SLC30A3: variants seen among roughly 807,000 people sequenced by gnomAD.
The protein encoded by SLC30A3 is solute carrier family 30 member 3.
In SLC30A3, 20 loss-of-function variants were observed where a neutral mutation model predicts 35.6. The ratio of observed to expected loss-of-function variants is 0.56; its 90% CI spans 0.39 to 0.82. The LOEUF is 0.82. Among genes scored for constraint, SLC30A3 ranks in the 40% least tolerant of loss-of-function variants. The pLI is 0.00. For synonymous variants in SLC30A3, 217 were observed against 224.7 expected (o/e 0.97, Z 0.31); for missense variants, 401 against 530.6 (o/e 0.76, Z 2.40).
chr2:27,253,854 CAG>C lies in SLC30A3; in HGVS notation c.*1456_*1457del, dbSNP rs1245719413. 3 of 150,084 alleles carry C rather than the reference CAG, an allele frequency of 2.0e-5. No homozygotes were observed. The highest frequency in any genetic ancestry group is 7.4e-5 in the African/African-American group (3 of 40,668). 9.3% of individuals were successfully genotyped at this position (150,084 alleles called of 1,614,324 possible). On this transcript the variant is annotated 3_prime_UTR_variant, in exon 8 of 8. Coordinates refer to ENST00000233535, the MANE Select transcript of SLC30A3 (RefSeq NM_003459.5). ...CTAATTTTTAAATTATTTGTAGAGA[CAG>C]GGGTTTCCCTAGGTTGCCCAGGCTG...
At chr2:27,275,053 G>C (rs1677944701) in intron 1 of SLC30A3, 2 of 476,874 alleles carry the variant, frequency 4.2e-6, no homozygotes, top group South Asian at 3.4e-5. Context: ...ATATGAGTTG[G>C]GTCTTCCAGG....
exon 1 of SLC30A3, chr2:27,275,204 A>C: frequency 7.7e-7 from 1 of 1,304,160 alleles, no homozygotes; most frequent in East Asian, 5.5e-5. Flanking sequence ...CAGCAAACCC[A>C]TTGTGTTTCC....
chr2:27,271,477 T>C lies in SLC30A3; in HGVS notation c.-159+3700A>G, dbSNP rs1420294581. Reference sequence around the variant, plus strand: ...TATTTTTGGTTTTTTACTTTCATTCTTTTTAAAACCAAATCCAATTAAGTC... The same window carrying C: ...TATTTTTGGTTTTTTACTTTCATTCCTTTTAAAACCAAATCCAATTAAGTC... On this transcript the variant is annotated intron_variant, in intron 1 of 5. Coordinates refer to the SLC30A3 transcript ENST00000424577. This position sits in a 1 kb window ranked among gnomAD's most constrained non-coding sequence, Gnocchi z 4.3. Among the ~76,000 whole-genome samples, 1 of 152,248 alleles carries C rather than the reference T, an allele frequency of 6.6e-6. No individual in the cohort carries two copies. Among genetic ancestry groups the C allele is most frequent in the Non-Finnish European group, 1.5e-5 (1 of 68,038 alleles).
At position 27,257,750 on chromosome 2, in the gene SLC30A3, C is replaced by T. The variant is rs1289781809; in HGVS notation, c.578+155G>A. The T allele has an allele frequency of 7.8e-6, 6 of 769,840 alleles. No individual in the cohort carries two copies. Among genetic ancestry groups the T allele is most frequent in the Middle Eastern group, 3.4e-4 (1 of 2,906 alleles). 47.7% of individuals were successfully genotyped at this position (769,840 alleles called of 1,614,324 possible). A position where few individuals can be genotyped will look rare whatever the true frequency, so the allele number is the denominator to read the frequency against. On this transcript the variant is annotated intron_variant, in intron 4 of 7. Coordinates refer to ENST00000233535, the MANE Select transcript of SLC30A3 (RefSeq NM_003459.5). This position sits in a 1 kb window ranked among gnomAD's most constrained non-coding sequence, Gnocchi z 4.7. ...TGCTGACTGAATTTTAGGTCTCTATCCCAGACCCTTCTCAGGCACACGCAG... is the reference window on the plus strand; with the variant it reads ...TGCTGACTGAATTTTAGGTCTCTATTCCAGACCCTTCTCAGGCACACGCAG...
rs1181024569 is a variant in SLC30A3, at chr2:27,255,998, G to C, written c.1018+388C>G. ...CATTATACCATAAACATTTTTCATA[G>C]TTGCTGTACAGTCTTCACAAGCATC... is the stretch of plus-strand genomic sequence containing the variant. On this transcript the variant is annotated intron_variant, in intron 7 of 7. Transcript: ENST00000233535. This position sits in a 1 kb window ranked among gnomAD's most constrained non-coding sequence, Gnocchi z 5.2. The C allele has an allele frequency of 4.1e-6, 1 of 243,404 alleles. No individual in the cohort carries two copies. The highest frequency in any genetic ancestry group is 2.2e-5 in the African/African-American group (1 of 44,944). 15.1% of individuals were successfully genotyped at this position (243,404 alleles called of 1,614,324 possible). A position where few individuals can be genotyped will look rare whatever the true frequency, so the allele number is the denominator to read the frequency against.
chr2:27,264,782 T>C (rs1359239642), upstream of SLC30A3, among the ~76,000 whole-genome samples: 8 of 152,164 alleles, frequency 5.3e-5, no homozygotes, highest in East Asian at 5.8e-4. This position sits in a 1 kb window ranked among gnomAD's most constrained non-coding sequence, Gnocchi z 6.1. Flanking sequence ...GGGAAGCAAA[T>C]TGAGGCGGCG....
chr2:27,268,059 T>C (rs1677569754), intron 1 of SLC30A3, among the ~76,000 whole-genome samples: 1 of 152,206 alleles, frequency 6.6e-6, no homozygotes, highest in African/African-American at 2.4e-5. Context: ...CATATTTTAC[T>C]CATTTTGTTT....
chr2:27,264,425 G>A (rs1677389913), upstream of SLC30A3, among the ~76,000 whole-genome samples: 1 of 152,258 alleles, frequency 6.6e-6, no homozygotes, highest in Admixed American at 6.5e-5. This position sits in a 1 kb window ranked among gnomAD's most constrained non-coding sequence, Gnocchi z 6.1. Context: ...GGAGAGCTTC[G>A]CGGAGGAGGT....
intron 6 of SLC30A3, 123 bp downstream of exon 6, chr2:27,256,665 A>G: frequency 7.6e-7 from 1 of 1,321,670 alleles, no homozygotes; most frequent in Non-Finnish European, 1.1e-6. Context: ...TCCTTGTTCC[A>G]GCAGCAGACC....
chr2:27,255,556 A>G lies in SLC30A3; in HGVS notation c.1019-96T>C. The G allele has an allele frequency of 1.5e-6, 2 of 1,365,530 alleles. No individual in the cohort carries two copies. Among genetic ancestry groups the G allele is most frequent in the Non-Finnish European group, 2.0e-6 (2 of 982,842 alleles). 84.6% of individuals were successfully genotyped at this position (1,365,530 alleles called of 1,614,324 possible). A position where few individuals can be genotyped will look rare whatever the true frequency, so the allele number is the denominator to read the frequency against. ...AGGGAAAGGGGCTGCACAGCATTAA[A>G]GCCAGGCGTGAATGGAAGCCTGCTT... On this transcript the variant is annotated intron_variant, in intron 7 of 7. Coordinates refer to ENST00000233535, the MANE Select transcript of SLC30A3 (RefSeq NM_003459.5). The surrounding 1 kb of genome is among the most constrained non-coding windows in gnomAD (Gnocchi z 5.2).
chr2:27,255,403 C>T lies in SLC30A3; in HGVS notation c.1076G>A (p.Arg359Gln), dbSNP rs199556868. 2.2e-5 allele frequency: 36 copies of T among 1,614,068 alleles called. No individual in the cohort carries two copies. The highest frequency in any genetic ancestry group is 1.2e-4 in the Admixed American group (7 of 60,014). Residue 359 changes from arginine to glutamine, a missense_variant, in exon 8 of 8, where the codon CGG becomes CAG. By Grantham distance (43) the Arg-to-Gln change is conservative. Transcript: ENST00000233535. The surrounding 1 kb of genome is among the most constrained non-coding windows in gnomAD (Gnocchi z 5.2). ...LAEASSRLYS[R>Q]FGFSSCTLQV... ...CAGGGTGCAGCTGGAGAATCCAAAC[C>T]GGGAGTAGAGCCGGGATGAGGCTTC...
rs751898260 is a variant in SLC30A3 at position 27,262,948 on chromosome 2, A to T, written c.-42T>A. On this transcript the variant is annotated 5_prime_UTR_variant, in exon 1 of 8. Transcript: ENST00000233535. The surrounding 1 kb of genome is among the most constrained non-coding windows in gnomAD (Gnocchi z 7.5). ...CCGTCTAGGCCCCACCGAGGAAGAGAGAGGCCGGGCCGGCCCCGCGCCAAG... is the reference window on the plus strand; with the variant it reads ...CCGTCTAGGCCCCACCGAGGAAGAGTGAGGCCGGGCCGGCCCCGCGCCAAG... 1.3e-6 allele frequency: 2 copies of T among 1,489,800 alleles called. No individual in the cohort carries two copies. The highest frequency in any genetic ancestry group is 2.6e-5 in the South Asian group (2 of 75,568). 92.3% of individuals were successfully genotyped at this position (1,489,800 alleles called of 1,614,324 possible). A position where few individuals can be genotyped will look rare whatever the true frequency, so the allele number is the denominator to read the frequency against.
Position 27,258,495 on chromosome 2 carries a change from A to AAT in SLC30A3, c.278-190_278-189dup. 1.5e-6 allele frequency: 1 copy of AAT among 674,848 alleles called. No individual in the cohort carries two copies. Among genetic ancestry groups the AAT allele is most frequent in the South Asian group, 2.2e-5 (1 of 44,562 alleles). 41.8% of individuals were successfully genotyped at this position (674,848 alleles called of 1,614,324 possible). On this transcript the variant is annotated intron_variant, in intron 2 of 7. Coordinates refer to ENST00000233535, the MANE Select transcript of SLC30A3 (RefSeq NM_003459.5). The surrounding 1 kb of genome is among the most constrained non-coding windows in gnomAD (Gnocchi z 4.0). ...CATTCATCTGTATTTTATTTTCTAC[A>AAT]ATGATTTATTTTAATAACAAGAAAA...
At chr2:27,259,109 C>T in intron 1 of SLC30A3, 175 bp from the exon 2 acceptor site, 1 of 550,076 alleles carries the variant, frequency 1.8e-6, no homozygotes, top group Non-Finnish European at 3.2e-6. Flanking sequence ...ATGAACAGGT[C>T]AGAGCCCAGC....
chr2:27,261,953 G>C (rs909340271), intron 1 of SLC30A3: 1 of 152,472 alleles, frequency 6.6e-6, no homozygotes, highest in Non-Finnish European at 1.5e-5. Context: ...GAGAGAAACA[G>C]AAAGATTGAG....
rs140355561 is a variant in SLC30A3, at chr2:27,256,802, C to T, written c.869G>A (p.Arg290Gln). ...STAPTLRDVLRILMEGTPRNV... is the reference protein window; with the variant it reads ...STAPTLRDVLQILMEGTPRNV... ...GCCCGACTCACCTTCCATGAGGATTCGAAGAACGTCTCGGAGGGTGGGAGC... is the reference window on the plus strand; with the variant it reads ...GCCCGACTCACCTTCCATGAGGATTTGAAGAACGTCTCGGAGGGTGGGAGC... The change falls in exon 6 of 8, where the codon CGA (arginine) becomes CAA (glutamine). Residue 290 changes from arginine to glutamine, a missense_variant. Around this residue, in one of 3 missense-constraint regions of SLC30A3, gnomAD observed 296 missense variants for 392.6 expected, o/e 0.75. Transcript: ENST00000233535. 1 of 1,602,744 alleles carries T rather than the reference C, an allele frequency of 6.2e-7. No homozygotes were observed. The highest frequency in any genetic ancestry group is 8.5e-7 in the Non-Finnish European group (1 of 1,176,190).
intron 1 of SLC30A3, among the ~76,000 whole-genome samples, chr2:27,268,163 TCTGTACTGTACAGTA>T (rs1291524205): frequency 6.6e-6 from 1 of 152,182 alleles, no homozygotes; most frequent in Non-Finnish European, 1.5e-5. Context: ...GGGATACTGT[TCTGTACTGTACAGTA>T]CTGTACTGTA....
At position 27,271,977 on chromosome 2, in the gene SLC30A3, A is replaced by G. The variant is rs1393437106; in HGVS notation, c.-159+3200T>C. Among the ~76,000 whole-genome samples, 2 of 152,182 alleles carry G rather than the reference A, an allele frequency of 1.3e-5. No homozygotes were observed. Among genetic ancestry groups the G allele is most frequent in the Non-Finnish European group, 2.9e-5 (2 of 68,028 alleles). ...GTTTACTAACTCTTCTCAGAACCGA[A>G]TTTGCCTTCTTTCTCAGGGCTCACT... On this transcript the variant is annotated intron_variant, in intron 1 of 5. Transcript: ENST00000424577. The surrounding 1 kb of genome is among the most constrained non-coding windows in gnomAD (Gnocchi z 4.3).
chr2:27,255,321 G>C lies in SLC30A3; in HGVS notation c.1158C>G (p.Pro386=), dbSNP rs568824006. ...AGGGCAGGGCCATGGCTCAGGCTTGGGGGGGTTCCTGGCAGCGCAGGCACT... is the reference window on the plus strand; with the variant it reads ...AGGGCAGGGCCATGGCTCAGGCTTGCGGGGGTTCCTGGCAGCGCAGGCACT... ...MAQCLRCQEP[P]QA The change falls in exon 8 of 8, where the codon CCC becomes CCG. Residue 386 remains proline (P), a synonymous_variant. Transcript: ENST00000233535. The surrounding 1 kb of genome is among the most constrained non-coding windows in gnomAD (Gnocchi z 5.2). 177 of 1,614,084 alleles carry C rather than the reference G, an allele frequency of 1.1e-4. 3 individuals carry two copies. Among genetic ancestry groups the C allele is most frequent in the South Asian group, 9.2e-4 (84 of 91,076 alleles).
Sources: gnomAD v4.1 joint callset for allele counts (sites outside exome capture counted in the v4.1 genomes callset) on GRCh38, gnomAD v4.1.1 for gene constraint, gnomAD v4.1.1 regional missense constraint, Gnocchi (gnomAD v3.1) non-coding constraint, MANE v1.5 for transcripts, NCBI Gene and HGNC (gene_info 2026-07-23, HGNC 2026-07-21) for gene names.